The following CARS2 variants were observed in gnomAD, a reference collection of about 807,000 sequenced individuals.
The protein encoded by CARS2 is probable cysteine--tRNA ligase, mitochondrial.
Under a neutral mutation model 68.8 loss-of-function variants are expected in CARS2, and 52 were observed. That is an observed-to-expected ratio of 0.76 (90% CI 0.61 to 0.95). The LOEUF is 0.95. Among genes scored for constraint, CARS2 ranks in the 40% least tolerant of loss-of-function variants. The pLI is 0.00. For synonymous variants in CARS2, 314 were observed against 303.6 expected, an observed-to-expected ratio of 1.03 and a Z score of -0.36; for missense variants, 780 against 754.2, an observed-to-expected ratio of 1.03 and a Z score of -0.40.
At chr13:110,656,450 A>G (rs899243561) in intron 9 of CARS2, among the ~76,000 whole-genome samples, 2 of 152,236 alleles carry the variant, frequency 1.3e-5, no homozygotes, top group African/African-American at 2.4e-5. Context: ...AGTGGGGTGC[A>G]GTCCACGAGA....
At position 110,687,296 on chromosome 13, in the gene CARS2, G is replaced by C. The variant is rs558432303; in HGVS notation, c.571+425C>G. The stretch of plus-strand genomic sequence containing the variant: ...AGCTTTGCTGTTGGAATCCTAGCAA[G>C]ACAGAAGTAAATTTTAGTATGTTCC... On this transcript the variant is annotated intron_variant, in intron 5 of 14. Transcript: ENST00000257347. 4.6e-5 allele frequency among the ~76,000 whole-genome samples: 7 copies of C among 152,302 alleles called. No homozygotes were observed. In the South Asian group the frequency reaches 1.0e-3, roughly 23 times the overall value.
intron 9 of CARS2, among the ~76,000 whole-genome samples, chr13:110,651,970 C>A (rs1323466736): frequency 6.6e-6 from 1 of 152,254 alleles, no homozygotes; most frequent in Admixed American, 6.5e-5. Context: ...GCACCCCTGG[C>A]CAGGGACGCG....
chr13:110,679,597 AAGAGAGAG>A (rs1198413028), intron 6 of CARS2, among the ~76,000 whole-genome samples: 1,662 of 43,642 alleles, frequency 0.038, 75 homozygotes, highest in African/African-American at 0.084. Flanking sequence ...GAAAGAAAGA[AAGAGAGAG>A]AGAGAGAGAG....
chr13:110,709,736 T>TTA (rs1430101431), upstream of CARS2, among the ~76,000 whole-genome samples: 390 of 151,940 alleles, frequency 2.6e-3, 1 homozygote, highest in East Asian at 7.9e-3. Context: ...TGTATATACA[T>TTA]TATATATATC....
chr13:110,651,971 C>G (rs1222756577), intron 9 of CARS2, among the ~76,000 whole-genome samples: 1 of 152,232 alleles, frequency 6.6e-6, no homozygotes, highest in African/African-American at 2.4e-5. Context: ...CACCCCTGGC[C>G]AGGGACGCGC....
intron 6 of CARS2, among the ~76,000 whole-genome samples, chr13:110,679,071 C>A (rs1457795816): frequency 6.6e-6 from 1 of 152,232 alleles, no homozygotes; most frequent in African/African-American, 2.4e-5. Context: ...TTAATGAAAC[C>A]CCGTGGCCCT....
chr13:110,641,801 G>A (rs540863933), intron 14 of CARS2, among the ~76,000 whole-genome samples, 193 bp from the exon 15 acceptor site: 8 of 152,232 alleles, frequency 5.3e-5, no homozygotes, highest in South Asian at 2.1e-4. Flanking sequence ...AGGAGGTGGC[G>A]GGGGCTGAGC....
chr13:110,651,296 G>T, intron 9 of CARS2, 196 bp from the exon 10 acceptor site: 1 of 546,334 alleles, frequency 1.8e-6, no homozygotes, highest in Non-Finnish European at 3.2e-6. Context: ...TTCCACGTTC[G>T]ATCTCAGTAT....
At chr13:110,649,931 CTTTTTTTTTTTTTTTT>C (rs59276783) in intron 10 of CARS2, among the ~76,000 whole-genome samples, 1 of 73,184 alleles carries the variant, frequency 1.4e-5, no homozygotes, top group Non-Finnish European at 2.7e-5. Flanking sequence ...TGGATAACGA[CTTTTTTTTTTTTTTTT>C]TTTTTTTTGA....
chr13:110,666,899 G>A, intron 8 of CARS2: 1 of 985,414 alleles, frequency 1.0e-6, no homozygotes, highest in Non-Finnish European at 1.2e-6. Context: ...CTTAACTCAT[G>A]GTGTTGCATC....
Position 110,642,298 on chromosome 13 carries a change from C to T in CARS2, c.1623+17G>A, listed in dbSNP as rs550431344. ...CGGCTCCTGGGGTGATGTCCCTGAC[C>T]TTGGTGCGGCACTCACCTTGATGTT... On this transcript the variant is annotated intron_variant, in intron 14 of 14. Transcript: ENST00000257347. The T allele has an allele frequency of 7.1e-6, 11 of 1,543,102 alleles. No individual in the cohort carries two copies. The East Asian group carries it at 2.5e-4, about 34-fold the overall frequency.
intron 10 of CARS2, among the ~76,000 whole-genome samples, chr13:110,649,929 GACTTT>G (rs1566651106): frequency 4.7e-5 from 5 of 106,082 alleles, no homozygotes; most frequent in Non-Finnish European, 5.4e-5. Flanking sequence ...TCTGGATAAC[GACTTT>G]TTTTTTTTTT....
intron 6 of CARS2, 42 bp from the exon 7 acceptor site, chr13:110,677,145 C>A: frequency 6.4e-7 from 1 of 1,555,050 alleles, no homozygotes. Flanking sequence ...GAAGCTCAGT[C>A]ACCCCACCAC....
chr13:110,709,480 C>A (rs371985243), upstream of CARS2, among the ~76,000 whole-genome samples: 1 of 152,038 alleles, frequency 6.6e-6, no homozygotes, highest in East Asian at 1.9e-4. Context: ...GAAATGTGAT[C>A]TTTTTGCATA....
upstream of CARS2, among the ~76,000 whole-genome samples, chr13:110,710,745 T>A (rs1436123155): frequency 6.6e-6 from 1 of 152,242 alleles, no homozygotes; most frequent in Non-Finnish European, 1.5e-5. Context: ...GCTAAAAGTT[T>A]TATGGAATGT....
chr13:110,674,081 A>C (rs2062876028), intron 7 of CARS2, among the ~76,000 whole-genome samples: 3 of 152,222 alleles, frequency 2.0e-5, no homozygotes, highest in African/African-American at 7.2e-5. Flanking sequence ...AAATGGAAGA[A>C]CATTCCATGC....
chr13:110,713,191 T>C, exon 1 of CARS2: 1 of 1,425,192 alleles, frequency 7.0e-7, no homozygotes, highest in South Asian at 1.5e-5. Context: ...TGTTGGCAAG[T>C]AGATTGGCTA....
chr13:110,682,898 A>T (rs1162104495), intron 6 of CARS2, among the ~76,000 whole-genome samples, 153 bp downstream of exon 6: 1 of 152,140 alleles, frequency 6.6e-6, no homozygotes, highest in Non-Finnish European at 1.5e-5. Context: ...GGAGCCATCC[A>T]CAGAAACCAC....
chr13:110,678,358 C>G (rs547030767), intron 6 of CARS2, among the ~76,000 whole-genome samples: 29 of 152,284 alleles, frequency 1.9e-4, no homozygotes, highest in Admixed American at 5.9e-4. Flanking sequence ...GTGGCGCATG[C>G]TCACCAAAAC....
Sources: allele counts gnomAD v4.1 joint callset (sites outside exome capture counted in the v4.1 genomes callset), GRCh38; gene constraint gnomAD v4.1.1; transcripts MANE v1.5; gene names NCBI Gene and HGNC (gene_info 2026-07-23, HGNC 2026-07-21).